The following MTSS2 variants were observed in gnomAD, a reference collection of about 807,000 sequenced individuals.
The protein encoded by MTSS2 is MTSS I-BAR domain containing 2, also known as protein MTSS 2.
MTSS2 carries 27 observed loss-of-function variants against 67.1 expected under a neutral mutation model. The ratio of observed to expected loss-of-function variants is 0.40; its 90% CI spans 0.30 to 0.55. The LOEUF (loss-of-function observed/expected upper bound fraction) is 0.55. Among genes scored for constraint, MTSS2 ranks in the 20% least tolerant of loss-of-function variants. The probability of loss-of-function intolerance (pLI) is 0.43; values close to 1 mark genes in which losing one functional copy is unlikely to be tolerated. For missense variants in MTSS2, 1,171 were observed against 1,067.8 expected (o/e 1.10, Z -1.35); for synonymous variants, 624 against 468.6 (o/e 1.33, Z -4.28).
intron 1 of MTSS2, 126 bp downstream of exon 1, chr16:70,685,597 C>T: frequency 2.2e-6 from 1 of 449,634 alleles, no homozygotes; most frequent in Non-Finnish European, 3.1e-6. Flanking sequence ...AGGCAGGACG[C>T]GCTCAGACAA....
chr16:70,678,109 T>C (rs1193877437), intron 8 of MTSS2, 143 bp downstream of exon 8: 1 of 1,165,150 alleles, frequency 8.6e-7, no homozygotes, highest in African/African-American at 1.5e-5. Context: ...CATGGTGAGC[T>C]ATGAGACCTG....
chr16:70,681,120 G>T (rs11862154), intron 1 of MTSS2, 95 bp from the exon 2 acceptor site: 4 of 1,236,314 alleles, frequency 3.2e-6, no homozygotes, highest in East Asian at 4.9e-5. Context: ...CCAGACTTGG[G>T]GCAGTTTCTA....
At chr16:70,667,515 T>G (rs1331004515) in intron 11 of MTSS2, among the ~76,000 whole-genome samples, 1 of 151,910 alleles carries the variant, frequency 6.6e-6, no homozygotes, top group Non-Finnish European at 1.5e-5. Context: ...TACGATAACA[T>G]CAATAAACAC....
intron 3 of MTSS2, among the ~76,000 whole-genome samples, chr16:70,680,362 T>TGC: frequency 6.6e-6 from 1 of 152,102 alleles, no homozygotes; most frequent in South Asian, 2.1e-4. Context: ...CAGATGCAGG[T>TGC]GCGGGAGTGT....
At chr16:70,664,499 C>G in intron 14 of MTSS2, 50 bp from the exon 15 acceptor site, 1 of 1,549,276 alleles carries the variant, frequency 6.5e-7, no homozygotes, top group South Asian at 1.2e-5. Flanking sequence ...GCCCCTTGCC[C>G]CCAGCCCACC....
chr16:70,678,472 T>C (rs1396936713), intron 7 of MTSS2, 63 bp from the exon 8 acceptor site: 17 of 1,558,022 alleles, frequency 1.1e-5, no homozygotes, highest in Non-Finnish European at 7.8e-6. Context: ...CACCCACAAA[T>C]GGGCTCAGAC....
intron 10 of MTSS2, among the ~76,000 whole-genome samples, chr16:70,676,277 C>G (rs535008550): frequency 1.3e-5 from 2 of 152,244 alleles, no homozygotes; most frequent in South Asian, 4.1e-4. Flanking sequence ...CTAGTGACTG[C>G]GAGATCCTTG....
intron 11 of MTSS2, among the ~76,000 whole-genome samples, chr16:70,670,969 CAA>C (rs1166088540): frequency 1.0e-3 from 33 of 32,962 alleles, no homozygotes; most frequent in Middle Eastern, 0.015. Flanking sequence ...GACCCTGTCT[CAA>C]AAAAAAAAAA....
intron 1 of MTSS2, among the ~76,000 whole-genome samples, chr16:70,682,969 C>G (rs556896562): frequency 3.9e-5 from 6 of 152,328 alleles, no homozygotes; most frequent in African/African-American, 1.4e-4. Flanking sequence ...TAGAGGGACT[C>G]CCTTACAAAG....
In MTSS2 at chr16:70,662,369, T is replaced by TGACTTGGC. The variant is rs2052515924; in HGVS notation, c.*1307_*1308insGCCAAGTC. On this transcript the variant is annotated 3_prime_UTR_variant, in exon 15 of 15. Coordinates refer to ENST00000338779, the MANE Select transcript of MTSS2 (RefSeq NM_138383.3). ...CCTGCTGAGACTTGGCGTGACTTGGTGCGTGGGGTGGGGGCAGCCTTGCCC... is the reference window on the plus strand; with the variant it reads ...CCTGCTGAGACTTGGCGTGACTTGGTGACTTGGCGCGTGGGGTGGGGGCAGCCTTGCCC... 1 of 152,152 alleles carries TGACTTGGC rather than the reference T, an allele frequency of 6.6e-6. No individual in the cohort carries two copies. The highest frequency in any genetic ancestry group is 1.5e-5 in the Non-Finnish European group (1 of 68,102). 9.4% of individuals were successfully genotyped at this position (152,152 alleles called of 1,614,324 possible). A position where few individuals can be genotyped will look rare whatever the true frequency, so the allele number is the denominator to read the frequency against.
chr16:70,673,800 G>T (rs996590342), intron 11 of MTSS2, among the ~76,000 whole-genome samples: 1 of 152,058 alleles, frequency 6.6e-6, no homozygotes, highest in Non-Finnish European at 1.5e-5. Context: ...TATATTAAGG[G>T]CCTTGAATTA....
At chr16:70,672,173 C>T (rs1235390061) in intron 11 of MTSS2, among the ~76,000 whole-genome samples, 1 of 151,974 alleles carries the variant, frequency 6.6e-6, no homozygotes, top group Non-Finnish European at 1.5e-5. Context: ...CACGGTGAAA[C>T]CCCGTCTCTG....
intron 10 of MTSS2, among the ~76,000 whole-genome samples, chr16:70,675,398 G>C (rs2053084447): frequency 6.6e-6 from 1 of 152,152 alleles, no homozygotes; most frequent in South Asian, 2.1e-4. Context: ...ACTCCAGCCT[G>C]GGTGACAGAG....
In MTSS2 at chr16:70,677,048, C is replaced by T. The variant is rs575422455; in HGVS notation, c.733-70G>A. On this transcript the variant is annotated intron_variant, in intron 9 of 14. Coordinates refer to ENST00000338779, the MANE Select transcript of MTSS2 (RefSeq NM_138383.3). ...AGCTAGTAGGGCCAGAGGCCCCCCC[C>T]CACTCTCTAATTGTGAACCACATCC... 1.3e-4 allele frequency: 154 copies of T among 1,191,486 alleles called. 2 individuals are homozygous for T. In the South Asian group the frequency reaches 1.8e-3, roughly 14 times the overall value. 73.8% of individuals were successfully genotyped at this position (1,191,486 alleles called of 1,614,324 possible).
intron 11 of MTSS2, among the ~76,000 whole-genome samples, chr16:70,667,675 C>A (rs1244330379): frequency 6.6e-6 from 1 of 152,140 alleles, no homozygotes; most frequent in Non-Finnish European, 1.5e-5. Context: ...AAGTTTGAGA[C>A]CAGCCTGGCC....
In MTSS2 at chr16:70,662,961, C is replaced by T. The variant is rs577329683; in HGVS notation, c.*716G>A. On this transcript the variant is annotated 3_prime_UTR_variant, in exon 15 of 15. Transcript: ENST00000338779. The stretch of plus-strand genomic sequence containing the variant: ...TAGTTTCCAAAGAGCTGCTCTGGCC[C>T]CCTCCAGCCAGCCTCACGGGGTGGG... The T allele has an allele frequency of 6.6e-6, 1 of 152,562 alleles. No homozygotes were observed. The allele number at this position is 152,562 out of a possible 1,614,324, so 9.5% of individuals were successfully genotyped here.
At chr16:70,672,805 C>A (rs761394225) in intron 11 of MTSS2, among the ~76,000 whole-genome samples, 10 of 151,966 alleles carry the variant, frequency 6.6e-5, no homozygotes, top group Non-Finnish European at 1.3e-4. Flanking sequence ...AAAGAGAGGG[C>A]TGGACATGCA....
At chr16:70,664,478 G>A (rs778988507) in intron 14 of MTSS2, 29 bp from the exon 15 acceptor site, 2 of 1,541,050 alleles carry the variant, frequency 1.3e-6, no homozygotes, top group East Asian at 2.3e-5. Context: ...GTGAGGCCCA[G>A]GGCCCAGGTG....
Position 70,679,689 on chromosome 16 carries a change from C to A in MTSS2, c.398G>T (p.Arg133Leu). The change falls in exon 6 of 15, where the codon CGG becomes CTG. Residue 133 changes from arginine (R) to leucine (L), a missense_variant. Arg to Leu is a moderately radical substitution (Grantham distance 102). Transcript: ENST00000338779. Reference protein sequence around the residue: ...KDHAKEYKRARHEIKKKSSDT... With the variant: ...KDHAKEYKRALHEIKKKSSDT... The stretch of plus-strand genomic sequence containing the variant: ...CGACGACTTCTTTTTGATCTCATGC[C>A]GGGCTCGTTTGTACTCTGCAGAAGG... 2 of 1,611,332 alleles carry A rather than the reference C, an allele frequency of 1.2e-6. No individual in the cohort carries two copies. The highest frequency in any genetic ancestry group is 1.7e-6 in the Non-Finnish European group (2 of 1,178,908).
Sources: allele counts gnomAD v4.1 joint callset (sites outside exome capture counted in the v4.1 genomes callset), GRCh38; gene constraint gnomAD v4.1.1; transcripts MANE v1.5; gene names NCBI Gene and HGNC (gene_info 2026-07-23, HGNC 2026-07-21).